The following NWD1 variants were observed in gnomAD, a reference collection of about 807,000 sequenced individuals.
The protein encoded by NWD1 is NACHT domain- and WD repeat-containing protein 1.
NWD1 carries 129 observed loss-of-function variants against 135.1 expected under a neutral mutation model. That is an observed-to-expected ratio of 0.96 (90% CI 0.83 to 1.11). NWD1 has a LOEUF of 1.11. NWD1 is among the 50% of genes least tolerant of loss of function. The pLI is 0.00. For missense variants in NWD1, 1,740 were observed against 1,851.3 expected, an observed-to-expected ratio of 0.94 and a Z score of 1.10; for synonymous variants, 773 against 786.0, an observed-to-expected ratio of 0.98 and a Z score of 0.28.
At chr19:16,784,089 T>C (rs1419983206) in intron 12 of NWD1, among the ~76,000 whole-genome samples, 2 of 151,454 alleles carry the variant, frequency 1.3e-5, no homozygotes, top group African/African-American at 4.9e-5. Context: ...CCTGTAGTCC[T>C]AGCTACTTGG....
At chr19:16,781,600 A>G (rs1969854989) in intron 12 of NWD1, among the ~76,000 whole-genome samples, 1 of 152,026 alleles carries the variant, frequency 6.6e-6, no homozygotes, top group Non-Finnish European at 1.5e-5. Context: ...TGTGCAACAC[A>G]GCGAGACCCT....
rs758051323 is a variant in NWD1 at position 16,807,664 on chromosome 19, C to A, written c.3815C>A (p.Thr1272Lys). ...GCTGAGCAGCGCAAGCTCCTATTTA[C>A]GGGCCTCGTGTCGGGGGTCGTCCTT... ...EVAEQRKLLF[T>K]GLVSGVVLVF... is the part of the protein sequence containing the mutation. Residue 1272 changes from threonine to lysine, a missense_variant, in exon 18 of 19, where the codon ACG becomes AAG. Thr to Lys is a moderately conservative substitution (Grantham distance 78, BLOSUM62 -1). Coordinates refer to ENST00000524140, the MANE Select transcript of NWD1 (RefSeq NM_001007525.5). The A allele has an allele frequency of 3.1e-6, 5 of 1,604,048 alleles. No homozygotes were observed. The highest frequency in any genetic ancestry group is 4.3e-6 in the Non-Finnish European group (5 of 1,175,120).
intron 5 of NWD1, chr19:16,745,075 A>C: frequency 2.1e-6 from 1 of 472,282 alleles, no homozygotes; most frequent in Non-Finnish European, 4.2e-6. Flanking sequence ...ACAATTCCAC[A>C]TGGCTGGGGA....
chr19:16,732,590 G>A (rs1967615574), intron 3 of NWD1, among the ~76,000 whole-genome samples: 1 of 123,402 alleles, frequency 8.1e-6, no homozygotes, highest in South Asian at 2.5e-4. Context: ...ACCAATCCCT[G>A]GCTAGGGAAT....
chr19:16,762,256 G>T (rs1390056499), intron 8 of NWD1, 118 bp downstream of exon 8: 2 of 826,844 alleles, frequency 2.4e-6, no homozygotes, highest in Admixed American at 2.5e-5. Flanking sequence ...TCTCCTTTCC[G>T]CACAGAGGGC....
chr19:16,759,052 T>G (rs890199240), intron 6 of NWD1, among the ~76,000 whole-genome samples, 173 bp from the exon 7 acceptor site: 50 of 143,892 alleles, frequency 3.5e-4, no homozygotes, highest in Admixed American at 1.1e-3. Flanking sequence ...TCTTCCTTGG[T>G]GGGTATTGCC....
intron 16 of NWD1, among the ~76,000 whole-genome samples, chr19:16,799,353 G>A (rs1013099498): frequency 4.0e-5 from 6 of 151,822 alleles, no homozygotes; most frequent in South Asian, 4.2e-4. Context: ...GCACCACCAC[G>A]CTTGGCTGAT....
At chr19:16,812,701 A>G (rs1449347270) in intron 18 of NWD1, 1 of 779,984 alleles carries the variant, frequency 1.3e-6, no homozygotes, top group Non-Finnish European at 2.4e-6. Context: ...CAAACAAACA[A>G]AAAACCCAAG....
chr19:16,739,431 T>G (rs1414248991), intron 4 of NWD1, among the ~76,000 whole-genome samples: 1 of 151,744 alleles, frequency 6.6e-6, no homozygotes. Context: ...CAACCCAAAT[T>G]GCAGGCAGCC....
rs772901986 is a variant in NWD1, at chr19:16,749,778, G to A, written c.1136G>A (p.Ser379Asn). ...CGGCTGCTGGGGACGTCACAAATGA[G>A]CTCAGATGCCCGTGGCCTGCTGAAG... ...VLRLLGTSQM[S>N]SDARGLLKSI... is the part of the protein sequence containing the mutation. Residue 379 changes from serine to asparagine, a missense_variant, in exon 6 of 19, where the codon AGC becomes AAC. Coordinates refer to ENST00000524140, the MANE Select transcript of NWD1 (RefSeq NM_001007525.5). 6.8e-6 allele frequency: 11 copies of A among 1,606,812 alleles called. No homozygotes were observed. The highest frequency in any genetic ancestry group is 7.7e-6 in the Non-Finnish European group (9 of 1,176,006).
rs566266369 is a variant in NWD1 at position 16,743,738 on chromosome 19, G to A, written c.199-683G>A. Among the ~76,000 whole-genome samples, 150 of 151,908 alleles carry A rather than the reference G, an allele frequency of 9.9e-4. 2 individuals carry two copies. The highest frequency in any genetic ancestry group is 5.1e-3 in the Admixed American group (77 of 15,214). On this transcript the variant is annotated intron_variant, in intron 4 of 18. Coordinates refer to ENST00000524140, the MANE Select transcript of NWD1 (RefSeq NM_001007525.5). ...TACTCTGTTGCCCAGGCTGGACTGC[G>A]GTGGCACCATGTCGGTTCACTGAAA...
chr19:16,799,865 C>G (rs1210455300), intron 16 of NWD1, 21 bp from the exon 17 acceptor site: 2 of 1,570,034 alleles, frequency 1.3e-6, no homozygotes, highest in Non-Finnish European at 1.7e-6. Context: ...TCAGATCTGC[C>G]CTCCTGTTCT....
intron 10 of NWD1, among the ~76,000 whole-genome samples, chr19:16,766,337 G>C (rs562040187): frequency 6.6e-6 from 1 of 152,242 alleles, no homozygotes; most frequent in South Asian, 2.1e-4. Flanking sequence ...GGGAGGTCGA[G>C]GCTGCAGTAA....
chr19:16,812,418 C>G (rs953494207), intron 18 of NWD1, among the ~76,000 whole-genome samples: 5 of 151,906 alleles, frequency 3.3e-5, no homozygotes, highest in African/African-American at 1.2e-4. Flanking sequence ...CCTGTAATCC[C>G]AGCACTTTGC....
intron 12 of NWD1, among the ~76,000 whole-genome samples, chr19:16,780,647 T>C (rs1401831206): frequency 6.6e-6 from 1 of 151,948 alleles, no homozygotes; most frequent in Non-Finnish European, 1.5e-5. Flanking sequence ...TTCTCTTCTC[T>C]TTCCTTTTCT....
At chr19:16,794,644 A>C (rs75649430) in intron 15 of NWD1, 91 bp downstream of exon 15, 38,373 of 895,914 alleles carry the variant, frequency 0.043, 4,489 homozygotes, top group East Asian at 0.43. Flanking sequence ...GAGAAGTCCT[A>C]GGGCCAGAGG....
At chr19:16,793,926 C>T (rs1053084160) in intron 14 of NWD1, among the ~76,000 whole-genome samples, 1 of 152,126 alleles carries the variant, frequency 6.6e-6, no homozygotes, top group Non-Finnish European at 1.5e-5. Context: ...GAGTCTCAGT[C>T]TGTCACCCTG....
chr19:16,809,559 CTTTTTT>C (rs55774128), intron 18 of NWD1, among the ~76,000 whole-genome samples: 14,038 of 123,286 alleles, frequency 0.11, 967 homozygotes, highest in African/African-American at 0.25. Context: ...TTTTCTTTTT[CTTTTTT>C]TTTTTTTGAG....
chr19:16,747,460 TC>T (rs1968373868), intron 5 of NWD1, among the ~76,000 whole-genome samples: 1 of 152,064 alleles, frequency 6.6e-6, no homozygotes, highest in African/African-American at 2.4e-5. Flanking sequence ...CAGTGTGGCC[TC>T]CAGCTCCTGG....
Sources: gnomAD v4.1 joint callset for allele counts (sites outside exome capture counted in the v4.1 genomes callset) on GRCh38, gnomAD v4.1.1 for gene constraint, MANE v1.5 for transcripts, NCBI Gene and HGNC (gene_info 2026-07-23, HGNC 2026-07-21) for gene names.